Variants in KIAA1671 observed in about 807,000 individuals in gnomAD.
KIAA1671 encodes KIAA1671.
A neutral mutation model predicts 131.2 loss-of-function variants in KIAA1671; 52 were observed. The ratio of observed to expected loss-of-function variants is 0.40; its 90% confidence interval spans 0.32 to 0.50. The LOEUF is 0.50. Ranked by LOEUF, KIAA1671 falls within the 20% of genes least tolerant of loss-of-function variation. The probability of loss-of-function intolerance (pLI) is 0.73; values close to 1 mark genes in which losing one functional copy is unlikely to be tolerated. For synonymous variants in KIAA1671, 1,003 were observed against 961.6 expected (o/e 1.04, Z -0.80); for missense variants, 2,360 against 2,364.2 (o/e 1.00, Z 0.04).
intron 3 of KIAA1671, among the ~76,000 whole-genome samples, chr22:25,031,830 A>G (rs903427156): frequency 1.8e-4 from 27 of 152,162 alleles, no homozygotes; most frequent in African/African-American, 6.3e-4. Context: ...CTGAGTTTAG[A>G]CAGAACTCCT....
At chr22:25,095,904 T>C (rs1222442727) in intron 6 of KIAA1671, among the ~76,000 whole-genome samples, 1 of 152,204 alleles carries the variant, frequency 6.6e-6, no homozygotes, top group Non-Finnish European at 1.5e-5. Flanking sequence ...AAAAAATTTC[T>C]TTGAAGGTGC....
At chr22:25,080,737 G>A (rs1929358401) in intron 6 of KIAA1671, among the ~76,000 whole-genome samples, 1 of 152,140 alleles carries the variant, frequency 6.6e-6, no homozygotes, top group Non-Finnish European at 1.5e-5. Flanking sequence ...TTGTCTGCCT[G>A]TTATGGCCCC....
chr22:25,091,278 G>A (rs5760846), intron 6 of KIAA1671, among the ~76,000 whole-genome samples: 44,233 of 151,880 alleles, frequency 0.29, 6,542 homozygotes, highest in Middle Eastern at 0.33. Flanking sequence ...GGCTGGTCTC[G>A]AACTCCTAAC....
intron 6 of KIAA1671, among the ~76,000 whole-genome samples, chr22:25,117,400 A>G (rs1568965265): frequency 6.6e-6 from 1 of 152,150 alleles, no homozygotes; most frequent in Non-Finnish European, 1.5e-5. Context: ...GACTCCATCC[A>G]GCATGTGTCG....
intron 1 of KIAA1671, among the ~76,000 whole-genome samples, chr22:24,971,700 T>C (rs1222892111): frequency 6.6e-6 from 1 of 152,104 alleles, no homozygotes. Context: ...TGGTACTGAA[T>C]TTGCACCCAG....
At chr22:25,105,859 G>T (rs1930979851) in intron 6 of KIAA1671, among the ~76,000 whole-genome samples, 1 of 151,198 alleles carries the variant, frequency 6.6e-6, no homozygotes, top group Admixed American at 6.6e-5. Context: ...TAATAGCTGT[G>T]TGACCTTGTG....
chr22:25,008,295 C>T (rs1400803673), intron 1 of KIAA1671, among the ~76,000 whole-genome samples: 1 of 152,022 alleles, frequency 6.6e-6, no homozygotes, highest in Non-Finnish European at 1.5e-5. Flanking sequence ...CCTCCCAGGC[C>T]AGGCCAAGCC....
intron 5 of KIAA1671, among the ~76,000 whole-genome samples, chr22:25,042,847 G>A (rs1342697664): frequency 6.6e-6 from 1 of 152,012 alleles, no homozygotes; most frequent in African/African-American, 2.4e-5. Context: ...GTGCTACAGG[G>A]GCCATGGTTG....
intron 6 of KIAA1671, among the ~76,000 whole-genome samples, chr22:25,091,387 G>A (rs1353057571): frequency 6.6e-6 from 1 of 151,598 alleles, no homozygotes; most frequent in Non-Finnish European, 1.5e-5. Context: ...CAAAGGTGTT[G>A]TTTGTTTGTT....
At chr22:25,044,128 A>C (rs1001579375) in intron 5 of KIAA1671, among the ~76,000 whole-genome samples, 10 of 152,172 alleles carry the variant, frequency 6.6e-5, no homozygotes, top group Non-Finnish European at 5.9e-5. Context: ...CATGTGCAGG[A>C]TCACGCAGAC....
At chr22:25,133,187 C>T (rs1427453883) in intron 6 of KIAA1671, among the ~76,000 whole-genome samples, 2 of 152,066 alleles carry the variant, frequency 1.3e-5, no homozygotes, top group Non-Finnish European at 2.9e-5. Flanking sequence ...AGACGTGGTC[C>T]TTGGCACCCT....
chr22:25,072,812 C>T (rs1172213100), intron 6 of KIAA1671, among the ~76,000 whole-genome samples: 1 of 152,178 alleles, frequency 6.6e-6, no homozygotes, highest in Non-Finnish European at 1.5e-5. Flanking sequence ...ATGTCAGTTC[C>T]TCCTGCTTCC....
At chr22:25,136,583 C>T (rs1486259713) in intron 6 of KIAA1671, among the ~76,000 whole-genome samples, 1 of 152,182 alleles carries the variant, frequency 6.6e-6, no homozygotes, top group Non-Finnish European at 1.5e-5. Context: ...GAAAATCCTG[C>T]CCGTTTTTGC....
In KIAA1671 at chr22:25,190,089, C is replaced by A. The variant is rs189963102; in HGVS notation, c.5343-613C>A. On this transcript the variant is annotated intron_variant, in intron 11 of 12. Coordinates refer to ENST00000358431, the MANE Select transcript of KIAA1671 (RefSeq NM_001145206.2). Reference sequence around the variant, plus strand: ...TCAAACACATTACATTCATTGTGTACTTTATTTCTATTATTATTACATTGT... The same window carrying A: ...TCAAACACATTACATTCATTGTGTAATTTATTTCTATTATTATTACATTGT... 1.9e-3 allele frequency among the ~76,000 whole-genome samples: 290 copies of A among 152,232 alleles called. 1 individual carries two copies. Among genetic ancestry groups the A allele is most frequent in the African/African-American group, 6.7e-3 (277 of 41,524 alleles).
At chr22:25,132,622 C>G (rs1932494900) in intron 6 of KIAA1671, among the ~76,000 whole-genome samples, 1 of 152,166 alleles carries the variant, frequency 6.6e-6, no homozygotes, top group African/African-American at 2.4e-5. Context: ...ATAGATACAT[C>G]TCCAGAATAT....
chr22:25,116,739 T>C (rs1463680383), intron 6 of KIAA1671, among the ~76,000 whole-genome samples: 1 of 152,170 alleles, frequency 6.6e-6, no homozygotes, highest in Non-Finnish European at 1.5e-5. Context: ...CAGTATTTAC[T>C]GAGTATCTAC....
chr22:25,045,035 C>A (rs2145813620), intron 5 of KIAA1671, among the ~76,000 whole-genome samples: 1 of 152,166 alleles, frequency 6.6e-6, no homozygotes, highest in Non-Finnish European at 1.5e-5. Context: ...GTGGCGGGCG[C>A]CTGTAGTCCC....
Position 25,040,521 on chromosome 22 carries a change from T to C in KIAA1671, c.3391T>C (p.Trp1131Arg). The change falls in exon 5 of 13, where the codon TGG (tryptophan) becomes CGG (arginine). Residue 1131 changes from tryptophan to arginine, a missense_variant. Coordinates refer to ENST00000358431, the MANE Select transcript of KIAA1671 (RefSeq NM_001145206.2). ...AAGAATCATTGATGTGGATGCCTTA[T>C]GGAGTCATCGGGGATCAGAAGATGG... ...NGRIIDVDAL[W>R]SHRGSEDGPR... 2.6e-6 allele frequency: 4 copies of C among 1,551,866 alleles called. No homozygotes were observed. Among genetic ancestry groups the C allele is most frequent in the Non-Finnish European group, 3.5e-6 (4 of 1,147,042 alleles).
Position 25,029,444 on chromosome 22 carries a change from G to C in KIAA1671, c.1445G>C (p.Arg482Pro). The C allele has an allele frequency of 6.4e-7, 1 of 1,551,374 alleles. No homozygotes were observed. The highest frequency in any genetic ancestry group is 8.7e-7 in the Non-Finnish European group (1 of 1,146,820). Residue 482 changes from arginine to proline, a missense_variant, in exon 3 of 13, where the codon CGG becomes CCG. By Grantham distance (103) the Arg-to-Pro change is moderately radical. Transcript: ENST00000358431. ...AAAGGGGTTGTGAGCGTTCAGGAAC[G>C]GATCAGAGGCTGGACTGCCGAGAGC... ...PEKGVVSVQE[R>P]IRGWTAESSE...
Sources: gnomAD v4.1 joint callset for allele counts (sites outside exome capture counted in the v4.1 genomes callset) on GRCh38, gnomAD v4.1.1 for gene constraint, MANE v1.5 for transcripts, NCBI Gene and HGNC (gene_info 2026-07-23, HGNC 2026-07-21) for gene names.